Variants in SLC2A9 observed in about 807,000 individuals in gnomAD.
SLC2A9 encodes solute carrier family 2 member 9.
SLC2A9 carries 39 observed loss-of-function variants against 50.6 expected under a neutral mutation model. That is an observed-to-expected ratio of 0.77 (90% confidence interval 0.60 to 1.01). The LOEUF is 1.01. Ranked by LOEUF, SLC2A9 falls within the 50% of genes least tolerant of loss-of-function variation. SLC2A9 has a pLI of 0.00. For synonymous variants in SLC2A9, 324 were observed against 276.9 expected (o/e 1.17, Z -1.69); for missense variants, 686 against 677.6 (o/e 1.01, Z -0.14).
chr4:10,035,064 C>G (rs1183690110), intron 1 of SLC2A9: 1 of 152,234 alleles, frequency 6.6e-6, no homozygotes, highest in South Asian at 2.1e-4. Context: ...GTCTGAAACT[C>G]TCTGGTGCAG....
At chr4:9,930,478 A>G (rs1008675415) in intron 6 of SLC2A9, among the ~76,000 whole-genome samples, 7 of 152,166 alleles carry the variant, frequency 4.6e-5, no homozygotes, top group African/African-American at 1.7e-4. Flanking sequence ...GTACGTGGCC[A>G]CACCTGTGCT....
intron 5 of SLC2A9, among the ~76,000 whole-genome samples, chr4:9,976,379 C>G (rs1318639190): frequency 6.6e-6 from 1 of 152,140 alleles, no homozygotes. Context: ...GCTTCGTTGT[C>G]TCAGTCTTTG....
intron 1 of SLC2A9, among the ~76,000 whole-genome samples, chr4:10,031,038 G>A (rs1029652174): frequency 6.6e-6 from 1 of 152,212 alleles, no homozygotes; most frequent in Non-Finnish European, 1.5e-5. Context: ...CTGCCTTTCA[G>A]GGGGCTTAGA....
intron 10 of SLC2A9, among the ~76,000 whole-genome samples, chr4:9,881,698 G>A (rs1243130342): frequency 6.6e-6 from 1 of 152,228 alleles, no homozygotes; most frequent in Non-Finnish European, 1.5e-5. Flanking sequence ...TGAATTGCCT[G>A]TTTTGTGAGG....
At chr4:10,027,016 C>T (rs1396862021) in intron 1 of SLC2A9, among the ~76,000 whole-genome samples, 1 of 151,852 alleles carries the variant, frequency 6.6e-6, no homozygotes, top group African/African-American at 2.4e-5. Context: ...TGCACTCCAG[C>T]CTGGTCAACA....
chr4:9,941,818 C>T (rs1023727565), intron 6 of SLC2A9, 95 bp downstream of exon 6: 264 of 1,556,168 alleles, frequency 1.7e-4, no homozygotes, highest in Admixed American at 5.9e-4. Flanking sequence ...AATGACAACA[C>T]CCCTTCCTGT....
At chr4:9,794,430 G>A (rs1470293577), downstream of SLC2A9, among the ~76,000 whole-genome samples, 1 of 152,176 alleles carries the variant, frequency 6.6e-6, no homozygotes, top group Non-Finnish European at 1.5e-5. Context: ...TGGGATTACA[G>A]GTGGAAGCCA....
intron 2 of SLC2A9, among the ~76,000 whole-genome samples, chr4:10,008,761 C>G (rs1761232473): frequency 6.6e-6 from 1 of 152,154 alleles, no homozygotes; most frequent in South Asian, 2.1e-4. Context: ...GCCAGTCACT[C>G]AATCTCTCCC....
chr4:9,807,175 T>G (rs1488481863), intron 3 of SLC2A9, among the ~76,000 whole-genome samples: 2 of 152,156 alleles, frequency 1.3e-5, no homozygotes, highest in Admixed American at 6.5e-5. Context: ...GGGATCAACT[T>G]CAGGTGCACC....
intron 1 of SLC2A9, among the ~76,000 whole-genome samples, chr4:9,773,931 T>C (rs773539006): frequency 4.0e-5 from 6 of 151,662 alleles, no homozygotes; most frequent in Non-Finnish European, 7.4e-5. Context: ...ATATTTTGCA[T>C]CATAAGGTCT....
At position 9,950,749 on chromosome 4, in the gene SLC2A9, C is replaced by T. The variant is rs1189743214; in HGVS notation, c.682-8704G>A. Among the ~76,000 whole-genome samples the T allele has an allele frequency of 4.2e-5, 4 of 94,504 alleles. 2 individuals are homozygous for T. The highest frequency in any genetic ancestry group is 1.3e-4 in the African/African-American group (2 of 15,318). 62.0% of individuals were successfully genotyped at this position (94,504 alleles called of 152,430 possible). A position where few individuals can be genotyped will look rare whatever the true frequency, so the allele number is the denominator to read the frequency against. On this transcript the variant is annotated intron_variant, in intron 5 of 11. Coordinates refer to ENST00000264784, the MANE Select transcript of SLC2A9 (RefSeq NM_020041.3). ...TCTACTAAAAATACAAAAAATTAGC[C>T]GGGCGTGGTAGCGGGCGCCTGTAGT...
intron 3 of SLC2A9, among the ~76,000 whole-genome samples, chr4:9,814,406 AT>A (rs1316204658): frequency 6.6e-6 from 1 of 152,346 alleles, no homozygotes; most frequent in East Asian, 1.9e-4. Flanking sequence ...TTGTTTGGGG[AT>A]CCAAGAAGTG....
intron 10 of SLC2A9, among the ~76,000 whole-genome samples, chr4:9,841,961 C>A (rs974569588): frequency 1.3e-5 from 2 of 152,188 alleles, no homozygotes; most frequent in Admixed American, 6.5e-5. Flanking sequence ...TTCATAAAAT[C>A]TCCTTCTCTG....
intron 5 of SLC2A9, among the ~76,000 whole-genome samples, chr4:9,971,045 G>A (rs183966548): frequency 1.3e-5 from 2 of 152,264 alleles, no homozygotes; most frequent in African/African-American, 2.4e-5. Flanking sequence ...AATCTTTAGT[G>A]TTGTGAGCCC....
At chr4:9,883,452 G>T (rs764444933) in intron 10 of SLC2A9, among the ~76,000 whole-genome samples, 1 of 152,188 alleles carries the variant, frequency 6.6e-6, no homozygotes, top group Non-Finnish European at 1.5e-5. Flanking sequence ...TAACCCCTGT[G>T]GACTTCAGTT....
At chr4:9,842,536 C>T (rs1363083128) in intron 10 of SLC2A9, among the ~76,000 whole-genome samples, 1 of 152,136 alleles carries the variant, frequency 6.6e-6, no homozygotes. Context: ...AATAGAGGGC[C>T]TTGCCCAGTT....
chr4:9,792,442 C>T (rs1373267814), intron 3 of SLC2A9, among the ~76,000 whole-genome samples: 2 of 151,882 alleles, frequency 1.3e-5, no homozygotes, highest in Non-Finnish European at 2.9e-5. Flanking sequence ...TCTGCCTCAG[C>T]CCCCACAAAG....
intron 11 of SLC2A9, among the ~76,000 whole-genome samples, chr4:9,828,513 T>C (rs1313322999): frequency 6.6e-6 from 1 of 152,208 alleles, no homozygotes; most frequent in Non-Finnish European, 1.5e-5. Flanking sequence ...CCACCGACCA[T>C]GTGTCCCTCT....
intron 3 of SLC2A9, chr4:9,780,101 C>T (rs537703589): frequency 1.3e-5 from 2 of 152,346 alleles, no homozygotes; most frequent in African/African-American, 4.8e-5. Context: ...GAGGAAAAGA[C>T]CTTGCATGCC....
Sources: gnomAD v4.1 joint callset for allele counts (sites outside exome capture counted in the v4.1 genomes callset) on GRCh38, gnomAD v4.1.1 for gene constraint, MANE v1.5 for transcripts, NCBI Gene and HGNC (gene_info 2026-07-23, HGNC 2026-07-21) for gene names.